TRAPPC9: variants seen among roughly 807,000 people sequenced by gnomAD.
The protein encoded by TRAPPC9 is trafficking protein particle complex subunit 9, also known as IKK2 binding protein.
TRAPPC9 carries 83 observed loss-of-function variants against 124.0 expected under a neutral mutation model. The ratio of observed to expected loss-of-function variants is 0.67; its 90% CI spans 0.56 to 0.80. The LOEUF is 0.80. Ranked by LOEUF, TRAPPC9 falls within the 30% of genes least tolerant of loss-of-function variation. The pLI is 0.00. For synonymous variants in TRAPPC9, 638 were observed against 617.5 expected, an observed-to-expected ratio of 1.03 and a Z score of -0.49; for missense variants, 1,302 against 1,508.3, an observed-to-expected ratio of 0.86 and a Z score of 2.27.
chr8:140,221,734 C>T, intron 16 of TRAPPC9, 151 bp from the exon 17 acceptor site: 1 of 1,082,998 alleles, frequency 9.2e-7, no homozygotes, highest in Non-Finnish European at 1.3e-6. Flanking sequence ...GCCTCCTGGG[C>T]TCTGGTGATC....
intron 21 of TRAPPC9, among the ~76,000 whole-genome samples, chr8:139,824,405 G>C (rs374786720): frequency 6.6e-6 from 1 of 152,196 alleles, no homozygotes; most frequent in South Asian, 2.1e-4. Flanking sequence ...AGGCCTTGGA[G>C]CTGCCAGGGC....
intron 17 of TRAPPC9, among the ~76,000 whole-genome samples, chr8:140,077,602 G>A (rs1292337154): frequency 6.6e-6 from 1 of 151,830 alleles, no homozygotes; most frequent in Non-Finnish European, 1.5e-5. Context: ...GCTTGCTGGG[G>A]GGACTCCAAG....
At chr8:140,284,065 G>A in intron 13 of TRAPPC9, 44 bp from the exon 14 acceptor site, 9 of 1,612,684 alleles carry the variant, frequency 5.6e-6, no homozygotes, top group Non-Finnish European at 6.8e-6. Flanking sequence ...GCAAGGCTTT[G>A]GGTCTCACGC....
chr8:139,828,492 A>G (rs1825780094), intron 21 of TRAPPC9, among the ~76,000 whole-genome samples: 2 of 152,314 alleles, frequency 1.3e-5, no homozygotes, highest in South Asian at 4.1e-4. Context: ...ATTTTCTACC[A>G]AGTGGTTCAA....
At chr8:140,108,629 G>T (rs2060710044) in intron 17 of TRAPPC9, among the ~76,000 whole-genome samples, 1 of 152,214 alleles carries the variant, frequency 6.6e-6, no homozygotes, top group African/African-American at 2.4e-5. Context: ...TTTGAAGGGT[G>T]GTTGTCAGAC....
At chr8:140,340,927 C>G (rs143733127) in intron 9 of TRAPPC9, among the ~76,000 whole-genome samples, 27 of 152,326 alleles carry the variant, frequency 1.8e-4, no homozygotes, top group African/African-American at 6.0e-4. Context: ...ACAACAATTA[C>G]TATATATTGA....
At chr8:140,277,990 G>A (rs1296165083) in intron 14 of TRAPPC9, among the ~76,000 whole-genome samples, 3 of 152,204 alleles carry the variant, frequency 2.0e-5, no homozygotes, top group East Asian at 3.8e-4. Flanking sequence ...GGGAGTCACT[G>A]GTGCCTGAAG....
At chr8:139,935,592 G>A (rs1833457045) in intron 19 of TRAPPC9, among the ~76,000 whole-genome samples, 2 of 151,778 alleles carry the variant, frequency 1.3e-5, no homozygotes, top group Admixed American at 6.6e-5. Context: ...GCTCCAAGCT[G>A]GGAAACAGGG....
intron 14 of TRAPPC9, among the ~76,000 whole-genome samples, chr8:140,276,821 A>G (rs1425226741): frequency 6.6e-6 from 1 of 152,144 alleles, no homozygotes; most frequent in Admixed American, 6.5e-5. Context: ...GGGGAGGCCA[A>G]CATGTTCTCC....
In TRAPPC9 at chr8:139,757,015, G is replaced by C. The variant is rs560858193; in HGVS notation, c.3056-24813C>G. On this transcript the variant is annotated intron_variant, in intron 21 of 22. Coordinates refer to ENST00000438773, the MANE Select transcript of TRAPPC9 (RefSeq NM_001160372.4). The stretch of plus-strand genomic sequence containing the variant: ...ACAGCATGTCGCAGGAGGAGCCAGG[G>C]TTTGGGGATGAGGACAGCAGGTCGC... Among the ~76,000 whole-genome samples, 1,123 of 133,276 alleles carry C rather than the reference G, an allele frequency of 8.4e-3. 8 individuals are homozygous for C. Among genetic ancestry groups the C allele is most frequent in the Non-Finnish European group, 0.012 (757 of 61,778 alleles). 87.4% of individuals were successfully genotyped at this position (133,276 alleles called of 152,430 possible).
At chr8:139,761,598 C>T (rs1820231118) in intron 21 of TRAPPC9, among the ~76,000 whole-genome samples, 1 of 152,114 alleles carries the variant, frequency 6.6e-6, no homozygotes, top group African/African-American at 2.4e-5. Context: ...GACCCAACCC[C>T]TCAGCACAGC....
At chr8:140,229,023 C>A (rs1414953711) in intron 16 of TRAPPC9, among the ~76,000 whole-genome samples, 3 of 151,806 alleles carry the variant, frequency 2.0e-5, no homozygotes, top group African/African-American at 7.3e-5. Context: ...ATATGCAGAA[C>A]TTTTTTTTAA....
At chr8:140,165,321 A>G (rs533346614) in intron 17 of TRAPPC9, among the ~76,000 whole-genome samples, 1 of 152,054 alleles carries the variant, frequency 6.6e-6, no homozygotes, top group Non-Finnish European at 1.5e-5. Context: ...AGCCTGGATG[A>G]CAGAGTGAGA....
chr8:140,156,515 A>G (rs1479506960), intron 17 of TRAPPC9, among the ~76,000 whole-genome samples: 2 of 152,238 alleles, frequency 1.3e-5, no homozygotes, highest in African/African-American at 2.4e-5. Context: ...TCCTTCTTCT[A>G]TCATACAAGA....
intron 5 of TRAPPC9, among the ~76,000 whole-genome samples, chr8:140,409,952 C>T (rs996000687): frequency 7.2e-5 from 11 of 152,038 alleles, no homozygotes; most frequent in South Asian, 2.1e-4. Flanking sequence ...GCCTGATCAA[C>T]GTGGCAAAAT....
At chr8:140,426,394 G>C (rs966355875) in intron 5 of TRAPPC9, among the ~76,000 whole-genome samples, 1 of 152,172 alleles carries the variant, frequency 6.6e-6, no homozygotes, top group Non-Finnish European at 1.5e-5. Flanking sequence ...CATGCTAGAG[G>C]AAGAAGCCTC....
intron 5 of TRAPPC9, among the ~76,000 whole-genome samples, chr8:140,423,027 T>C (rs1197398353): frequency 6.6e-6 from 1 of 152,132 alleles, no homozygotes; most frequent in African/African-American, 2.4e-5. Context: ...TCATTGCTAG[T>C]AGTAATGTAA....
intron 18 of TRAPPC9, among the ~76,000 whole-genome samples, chr8:140,009,148 C>A (rs1168881142): frequency 2.0e-5 from 3 of 151,912 alleles, no homozygotes; most frequent in Non-Finnish European, 4.4e-5. Context: ...ATGTACTTAT[C>A]ATGAAAAAAA....
intron 17 of TRAPPC9, among the ~76,000 whole-genome samples, chr8:140,084,925 G>A (rs552841855): frequency 6.6e-6 from 1 of 152,212 alleles, no homozygotes; most frequent in Non-Finnish European, 1.5e-5. Context: ...GATATCCAGT[G>A]GGGTATGGTA....
Sources: gnomAD v4.1 joint callset for allele counts (sites outside exome capture counted in the v4.1 genomes callset) on GRCh38, gnomAD v4.1.1 for gene constraint, MANE v1.5 for transcripts, NCBI Gene and HGNC (gene_info 2026-07-23, HGNC 2026-07-21) for gene names.